Variants in LOC400499 observed in about 807,000 individuals in gnomAD.
chr16:11,378,364 AG>A, the LOC400499 span, among the ~76,000 whole-genome samples: 2 of 151,720 alleles, frequency 1.3e-5, no homozygotes, highest in Non-Finnish European at 2.9e-5. Context: ...CCCGGGTTCA[AG>A]TGATTCTCCT....
chr16:11,477,267 G>T, the LOC400499 span, among the ~76,000 whole-genome samples: 1 of 152,242 alleles, frequency 6.6e-6, no homozygotes, highest in Non-Finnish European at 1.5e-5. Context: ...AGAGCACCCA[G>T]CCTAGGGCAT....
chr16:11,520,772 C>T, the LOC400499 span, among the ~76,000 whole-genome samples: 16 of 150,828 alleles, frequency 1.1e-4, no homozygotes, highest in African/African-American at 2.2e-4. Flanking sequence ...CTCTGGTGAT[C>T]GCTACGTAGG....
the LOC400499 span, chr16:11,459,802 T>G: frequency 1.7e-6 from 2 of 1,196,850 alleles, no homozygotes; most frequent in Non-Finnish European, 2.1e-6. Flanking sequence ...TGCATCCTTG[T>G]AGCCAGGGCC....
At chr16:11,375,681 T>C in the LOC400499 span, among the ~76,000 whole-genome samples, 1 of 152,116 alleles carries the variant, frequency 6.6e-6, no homozygotes, top group African/African-American at 2.4e-5. Flanking sequence ...ATGTGCTTAT[T>C]GGCCATTTGC....
At chr16:11,415,199 G>A in the LOC400499 span, among the ~76,000 whole-genome samples, 2 of 152,210 alleles carry the variant, frequency 1.3e-5, no homozygotes, top group African/African-American at 4.8e-5. Flanking sequence ...CAGAACAGGA[G>A]ATTTTGGCTC....
the LOC400499 span, among the ~76,000 whole-genome samples, chr16:11,526,496 C>T: frequency 6.6e-6 from 1 of 152,162 alleles, no homozygotes; most frequent in Non-Finnish European, 1.5e-5. Context: ...AAAGACAGAT[C>T]AAGTATTTGC....
chr16:11,458,938 G>A, the LOC400499 span, among the ~76,000 whole-genome samples: 3 of 151,836 alleles, frequency 2.0e-5, no homozygotes, highest in South Asian at 2.1e-4. Context: ...TCAGGAGGCT[G>A]AGGCTGGAGA....
At chr16:11,420,607 CCGGAAAAAAA>C in the LOC400499 span, among the ~76,000 whole-genome samples, 1 of 101,662 alleles carries the variant, frequency 9.8e-6, no homozygotes, top group Non-Finnish European at 2.0e-5. Flanking sequence ...ACCCCCCCCC[CCGGAAAAAAA>C]CCCCAAACTT....
At chr16:11,423,024 GGC>G in the LOC400499 span, among the ~76,000 whole-genome samples, 1 of 152,068 alleles carries the variant, frequency 6.6e-6, no homozygotes, top group African/African-American at 2.4e-5. Context: ...GGATGTGGGG[GGC>G]TTTTGAAGGA....
At chr16:11,396,280 T>C in the LOC400499 span, 1 of 378,548 alleles carries the variant, frequency 2.6e-6, no homozygotes, top group East Asian at 4.0e-5. Flanking sequence ...GTGTTGGGAC[T>C]GTGGAGGAGC....
At chr16:11,422,988 C>T in the LOC400499 span, among the ~76,000 whole-genome samples, 1 of 151,404 alleles carries the variant, frequency 6.6e-6, no homozygotes, top group Non-Finnish European at 1.5e-5. Context: ...CCCCTGGGAA[C>T]TGGGAGTCCA....
the LOC400499 span, among the ~76,000 whole-genome samples, chr16:11,434,002 T>C: frequency 6.6e-6 from 1 of 152,180 alleles, no homozygotes; most frequent in South Asian, 2.1e-4. Flanking sequence ...TATGGGGACC[T>C]CCAAGTTACA....
At chr16:11,494,346 G>C in the LOC400499 span, among the ~76,000 whole-genome samples, 11 of 146,928 alleles carry the variant, frequency 7.5e-5, no homozygotes, top group African/African-American at 2.8e-4. Flanking sequence ...ACTCAGTGGT[G>C]TTGGGGGGCA....
chr16:11,392,227 C>T, the LOC400499 span: 2 of 399,076 alleles, frequency 5.0e-6, no homozygotes, highest in Non-Finnish European at 8.8e-6. Flanking sequence ...CACAGCTGGA[C>T]CCCAAGGGCT....
At chr16:11,384,470 C>G in the LOC400499 span, 1 of 427,754 alleles carries the variant, frequency 2.3e-6, no homozygotes, top group Non-Finnish European at 3.9e-6. Context: ...ACCCCGGACT[C>G]CTGGAGCCCA....
the LOC400499 span, chr16:11,383,919 G>C: frequency 4.1e-6 from 5 of 1,231,930 alleles, no homozygotes; most frequent in Non-Finnish European, 5.1e-6. Flanking sequence ...TGGAGTGGGG[G>C]CCCTCGAAGA....
the LOC400499 span, among the ~76,000 whole-genome samples, chr16:11,429,554 A>G: frequency 3.3e-5 from 5 of 151,856 alleles, no homozygotes; most frequent in South Asian, 2.1e-4. Flanking sequence ...GCTCACTGCA[A>G]CCTCTGCCTC....
the LOC400499 span, chr16:11,477,049 C>A: frequency 2.5e-6 from 1 of 400,122 alleles, no homozygotes; most frequent in South Asian, 1.3e-4. Flanking sequence ...ACAGCAGCCC[C>A]TCCACCACTG....
At chr16:11,523,585 C>T in the LOC400499 span, 2 of 395,694 alleles carry the variant, frequency 5.1e-6, no homozygotes, top group Non-Finnish European at 8.9e-6. Context: ...ATGATAATGC[C>T]AGCTCTCCCC....
Sources: gnomAD v4.1 joint callset for allele counts (sites outside exome capture counted in the v4.1 genomes callset) on GRCh38, gnomAD v4.1.1 for gene constraint, MANE v1.5 for transcripts.